ADGRV1: variants seen among roughly 807,000 people sequenced by gnomAD.
ADGRV1 encodes G-protein coupled receptor 98.
In ADGRV1, 359 loss-of-function variants were observed where a neutral mutation model predicts 596.2. The observed-to-expected ratio is 0.60, with a 90% confidence interval of 0.55 to 0.66. ADGRV1 has a LOEUF of 0.66. Ranked by LOEUF, ADGRV1 falls within the 30% of genes least tolerant of loss-of-function variation. ADGRV1 has a pLI of 0.00. For missense variants in ADGRV1, 7,274 were observed against 7,575.6 expected (o/e 0.96, Z 1.48); for synonymous variants, 2,681 against 2,679.2 (o/e 1.00, Z -0.02).
intron 78 of ADGRV1, among the ~76,000 whole-genome samples, chr5:90,842,738 C>T (rs925301949): frequency 6.6e-6 from 1 of 151,974 alleles, no homozygotes; most frequent in Non-Finnish European, 1.5e-5. Flanking sequence ...ATTGTAAAAT[C>T]AAGTAGAAAA....
chr5:90,990,672 G>A (rs930745091), intron 85 of ADGRV1, among the ~76,000 whole-genome samples: 2 of 152,128 alleles, frequency 1.3e-5, no homozygotes, highest in African/African-American at 2.4e-5. Context: ...TATATTTATC[G>A]CTTTTGAAAT....
chr5:90,675,508 G>GA, intron 24 of ADGRV1, 63 bp downstream of exon 24: 3 of 1,405,120 alleles, frequency 2.1e-6, no homozygotes, highest in Non-Finnish European at 3.0e-6. Context: ...ATCCTTCTCT[G>GA]GAAGGGATAT....
chr5:90,944,731 ATTAG>A (rs1776430529), intron 83 of ADGRV1, among the ~76,000 whole-genome samples: 1 of 152,188 alleles, frequency 6.6e-6, no homozygotes, highest in African/African-American at 2.4e-5. Context: ...AAGTTAATTT[ATTAG>A]TTCGAATTAT....
chr5:90,604,126 CTGGTAATT>C (rs1761781365), intron 1 of ADGRV1, among the ~76,000 whole-genome samples: 1 of 151,738 alleles, frequency 6.6e-6, no homozygotes, highest in Non-Finnish European at 1.5e-5. Context: ...TTTGCCAATT[CTGGTAATT>C]TTTCAAAATA....
At chr5:90,807,259 T>C (rs987452136) in intron 72 of ADGRV1, among the ~76,000 whole-genome samples, 7 of 152,200 alleles carry the variant, frequency 4.6e-5, no homozygotes, top group South Asian at 2.1e-4. Context: ...TCTACTTCAA[T>C]ATGTATCCTA....
intron 11 of ADGRV1, among the ~76,000 whole-genome samples, chr5:90,639,433 C>T (rs1766692035): frequency 6.6e-6 from 1 of 152,104 alleles, no homozygotes; most frequent in South Asian, 2.1e-4. Context: ...TTGATAGTGA[C>T]TATTCTTTAT....
intron 85 of ADGRV1, among the ~76,000 whole-genome samples, chr5:90,990,729 G>A (rs890687810): frequency 1.4e-4 from 21 of 152,150 alleles, no homozygotes; most frequent in African/African-American, 4.6e-4. Context: ...ATAATTGGAC[G>A]GTGCTTAAAC....
chr5:90,597,727 A>G (rs1355868526), intron 1 of ADGRV1, among the ~76,000 whole-genome samples: 1 of 152,116 alleles, frequency 6.6e-6, no homozygotes, highest in Admixed American at 6.5e-5. Context: ...AGAGAGAGAA[A>G]GAGGGAGAGA....
chr5:90,993,919 A>G (rs116158760), intron 85 of ADGRV1, among the ~76,000 whole-genome samples: 3 of 137,818 alleles, frequency 2.2e-5, no homozygotes, highest in South Asian at 2.2e-4. Flanking sequence ...TTTTGGTTCT[A>G]TTTTTTTTTC....
At chr5:91,000,696 G>A (rs1781785318) in intron 85 of ADGRV1, among the ~76,000 whole-genome samples, 1 of 151,656 alleles carries the variant, frequency 6.6e-6, no homozygotes, top group South Asian at 2.1e-4. Flanking sequence ...GTGTGTGTGT[G>A]TGTGTGTGTG....
At chr5:90,761,676 A>G (rs139670970) in intron 58 of ADGRV1, among the ~76,000 whole-genome samples, 1 of 152,338 alleles carries the variant, frequency 6.6e-6, no homozygotes, top group Non-Finnish European at 1.5e-5. Flanking sequence ...CTGGGAAATA[A>G]TATCGTTACA....
intron 85 of ADGRV1, among the ~76,000 whole-genome samples, chr5:90,993,667 T>C (rs1171314113): frequency 3.3e-5 from 5 of 152,170 alleles, no homozygotes; most frequent in African/African-American, 1.2e-4. Context: ...TGATTTAACT[T>C]GCTGGTTTCA....
At chr5:91,021,355 GTAT>G (rs954294045) in intron 85 of ADGRV1, among the ~76,000 whole-genome samples, 1 of 152,022 alleles carries the variant, frequency 6.6e-6, no homozygotes, top group Non-Finnish European at 1.5e-5. Flanking sequence ...TCCCTTGGTG[GTAT>G]TATTTTTCTC....
At chr5:90,564,319 A>G (rs1277477984) in intron 1 of ADGRV1, among the ~76,000 whole-genome samples, 1 of 152,178 alleles carries the variant, frequency 6.6e-6, no homozygotes, top group Non-Finnish European at 1.5e-5. Flanking sequence ...CTAGTAAGCT[A>G]AGGTTGGAGA....
chr5:91,144,788 ATTG>A (rs1398107383), intron 87 of ADGRV1, among the ~76,000 whole-genome samples: 3 of 152,226 alleles, frequency 2.0e-5, no homozygotes, highest in Non-Finnish European at 4.4e-5. Flanking sequence ...ATTGTAAGGT[ATTG>A]TTGTATTTGT....
At chr5:91,041,649 AGAG>A (rs1280776464) in intron 85 of ADGRV1, among the ~76,000 whole-genome samples, 1 of 150,250 alleles carries the variant, frequency 6.7e-6, no homozygotes, top group African/African-American at 2.5e-5. Flanking sequence ...AAAAAAAAAA[AGAG>A]AGAGAGAGAG....
At chr5:90,828,267 T>C (rs1407903773) in intron 76 of ADGRV1, among the ~76,000 whole-genome samples, 1 of 152,006 alleles carries the variant, frequency 6.6e-6, no homozygotes, top group African/African-American at 2.4e-5. Context: ...ATTATAAATA[T>C]TTGATTATAT....
chr5:90,859,949 A>T (rs182004662), intron 82 of ADGRV1, among the ~76,000 whole-genome samples: 1 of 151,244 alleles, frequency 6.6e-6, no homozygotes, highest in East Asian at 1.9e-4. Context: ...AAAATTAGCC[A>T]AACATGATGG....
intron 83 of ADGRV1, among the ~76,000 whole-genome samples, chr5:90,942,537 G>T (rs761445136): frequency 3.8e-4 from 58 of 152,216 alleles, no homozygotes; most frequent in Non-Finnish European, 6.9e-4. Context: ...GTTAAAGATT[G>T]TAAAGTTAAT....
Sources: gnomAD v4.1 joint callset for allele counts (sites outside exome capture counted in the v4.1 genomes callset) on GRCh38, gnomAD v4.1.1 for gene constraint, MANE v1.5 for transcripts, NCBI Gene and HGNC (gene_info 2026-07-23, HGNC 2026-07-21) for gene names.